The following FAM53A variants were observed in gnomAD, a reference collection of about 807,000 sequenced individuals.
The protein encoded by FAM53A is protein FAM53A.
FAM53A carries 28 observed loss-of-function variants against 26.6 expected under a neutral mutation model. That is an observed-to-expected ratio of 1.05 (90% CI 0.78 to 1.45). The LOEUF (loss-of-function observed/expected upper bound fraction) is 1.45, where lower values mean the gene tolerates loss of function less well. Ranked by LOEUF, FAM53A falls within the 40% of genes most tolerant of loss-of-function variation. The pLI is 0.00. For synonymous variants in FAM53A, 290 were observed against 253.1 expected (o/e 1.15, Z -1.38); for missense variants, 650 against 575.8 (o/e 1.13, Z -1.32).
downstream of FAM53A, among the ~76,000 whole-genome samples, chr4:1,638,896 C>T (rs780496515): frequency 6.6e-5 from 10 of 152,222 alleles, no homozygotes; most frequent in Non-Finnish European, 1.0e-4. Context: ...GGACAGATCT[C>T]CCAAACCTGG....
chr4:1,610,336 A>C, the FAM53A span, among the ~76,000 whole-genome samples: 1 of 151,602 alleles, frequency 6.6e-6, no homozygotes, highest in Admixed American at 6.6e-5. Context: ...AAGACCTGCC[A>C]CCCGCCTCAG....
chr4:1,622,948 C>T (rs1715111291), intron 1 of FAM53A, among the ~76,000 whole-genome samples: 1 of 152,246 alleles, frequency 6.6e-6, no homozygotes, highest in Admixed American at 6.5e-5. Flanking sequence ...CCTGGGCCTC[C>T]CGCGTGTCCC....
chr4:1,654,025 G>A (rs1330820860), intron 4 of FAM53A, among the ~76,000 whole-genome samples: 2 of 152,138 alleles, frequency 1.3e-5, no homozygotes, highest in African/African-American at 2.4e-5. Flanking sequence ...CCTGTGGCCC[G>A]GAGGATGGGG....
the FAM53A span, among the ~76,000 whole-genome samples, chr4:1,575,187 C>G: frequency 9.8e-5 from 15 of 152,320 alleles, no homozygotes; most frequent in African/African-American, 3.6e-4. Context: ...TGGGACATAC[C>G]CAGCTGTGCT....
chr4:1,672,862 C>T (rs539132307), intron 1 of FAM53A, among the ~76,000 whole-genome samples: 10 of 142,874 alleles, frequency 7.0e-5, no homozygotes, highest in South Asian at 2.3e-4. Context: ...CTCCGCCTCC[C>T]GGGTTCAAGC....
intron 1 of FAM53A, among the ~76,000 whole-genome samples, chr4:1,625,965 C>T (rs62286244): frequency 0.21 from 31,312 of 152,156 alleles, 3,828 homozygotes; most frequent in Non-Finnish European, 0.28. Flanking sequence ...CCCCAGGATC[C>T]GCCCATCAGA....
At chr4:1,641,860 A>C (rs943451687) in intron 4 of FAM53A, among the ~76,000 whole-genome samples, 1 of 152,124 alleles carries the variant, frequency 6.6e-6, no homozygotes, top group Non-Finnish European at 1.5e-5. Flanking sequence ...GTGTGGGCAG[A>C]GACGCACAGC....
rs1713266334 is a variant in FAM53A at position 1,655,407 on chromosome 4, C to T, written c.453G>A (p.Arg151=). The T allele has an allele frequency of 6.8e-7, 1 of 1,480,266 alleles. No individual in the cohort carries two copies. Among genetic ancestry groups the T allele is most frequent in the African/African-American group, 1.4e-5 (1 of 69,010 alleles). The allele number at this position is 1,480,266 out of a possible 1,614,324, so 91.7% of individuals were successfully genotyped here. ...SSKVWTPVSK[R]RCDSGGSATR... Reference sequence around the variant, plus strand: ...TGGCACTCCCGCCGCTGTCGCACCGCCTCTTGGAGACTGGAGTCCAGACCT... The same window carrying T: ...TGGCACTCCCGCCGCTGTCGCACCGTCTCTTGGAGACTGGAGTCCAGACCT... The change falls in exon 4 of 5, where the codon AGG becomes AGA. Residue 151 remains arginine (R), a synonymous_variant. Transcript: ENST00000308132.
Position 1,641,236 on chromosome 4 carries a change from C to A in FAM53A, c.*57G>T, listed in dbSNP as rs149453327. On this transcript the variant is annotated 3_prime_UTR_variant, in exon 5 of 5. Coordinates refer to ENST00000308132, the MANE Select transcript of FAM53A (RefSeq NM_001174070.3). ...CCGACCAGCTCACAGGAAACCTACT[C>A]TGTGCCCCAGGGCAGGTGCAGGCGG... 1.3e-6 allele frequency: 2 copies of A among 1,486,566 alleles called. No individual in the cohort carries two copies. The highest frequency in any genetic ancestry group is 2.3e-5 in the East Asian group (1 of 43,324). 92.1% of individuals were successfully genotyped at this position (1,486,566 alleles called of 1,614,324 possible).
chr4:1,616,757 G>A (rs900599661), downstream of FAM53A, among the ~76,000 whole-genome samples: 9 of 152,212 alleles, frequency 5.9e-5, no homozygotes, highest in African/African-American at 1.4e-4. Context: ...TCTGTCCCGC[G>A]GAGAAGCCTT....
At chr4:1,578,245 T>C in the FAM53A span, among the ~76,000 whole-genome samples, 1 of 152,212 alleles carries the variant, frequency 6.6e-6, no homozygotes, top group Non-Finnish European at 1.5e-5. Flanking sequence ...TTAATTCTCC[T>C]AATTAGAATT....
At position 1,628,050 on chromosome 4, in the gene FAM53A, C is replaced by T. The variant is rs553777627; in HGVS notation, c.432-9939G>A. On this transcript the variant is annotated intron_variant, in intron 1 of 1. Coordinates refer to the FAM53A transcript ENST00000489029. The stretch of plus-strand genomic sequence containing the variant: ...GGGAGGGTGGCACGGGGGGAGGGTG[C>T]ACCTCAGGGGGTGGGTGGCATGAAG... 2.1e-4 allele frequency among the ~76,000 whole-genome samples: 15 copies of T among 70,000 alleles called. No individual in the cohort carries two copies. In the South Asian group the frequency reaches 8.0e-3, roughly 37 times the overall value. 45.9% of individuals were successfully genotyped at this position (70,000 alleles called of 152,430 possible). A position where few individuals can be genotyped will look rare whatever the true frequency, so the allele number is the denominator to read the frequency against.
the FAM53A span, among the ~76,000 whole-genome samples, chr4:1,601,234 G>GGGGGA: frequency 5.0e-5 from 6 of 119,870 alleles, no homozygotes; most frequent in African/African-American, 8.1e-5. Context: ...GCAACAGGTC[G>GGGGGA]GACACCCACC....
At chr4:1,652,947 CAT>C (rs1423004972) in intron 4 of FAM53A, among the ~76,000 whole-genome samples, 20 of 150,910 alleles carry the variant, frequency 1.3e-4, no homozygotes, top group African/African-American at 4.4e-4. Context: ...CCACCACACA[CAT>C]ACCACACAGA....
At chr4:1,587,914 AT>A in the FAM53A span, among the ~76,000 whole-genome samples, 1 of 152,212 alleles carries the variant, frequency 6.6e-6, no homozygotes, top group Admixed American at 6.5e-5. Context: ...ATTTTAATAA[AT>A]GTAGGGTAAT....
intron 4 of FAM53A, among the ~76,000 whole-genome samples, chr4:1,652,111 ACACACACGC>A (rs1412155967): frequency 6.4e-5 from 7 of 109,108 alleles, no homozygotes; most frequent in African/African-American, 2.2e-4. Flanking sequence ...CACACCAGAC[ACACACACGC>A]CACACACACC....
chr4:1,638,740 C>T (rs1715962567), downstream of FAM53A, among the ~76,000 whole-genome samples: 1 of 150,972 alleles, frequency 6.6e-6, no homozygotes, highest in African/African-American at 2.5e-5. Context: ...CTCGCTCCCA[C>T]ACACCCAGGC....
At chr4:1,580,701 G>A in the FAM53A span, among the ~76,000 whole-genome samples, 2 of 141,218 alleles carry the variant, frequency 1.4e-5, no homozygotes, top group African/African-American at 5.4e-5. Context: ...TCCCGCTCAG[G>A]GACCCGCCTC....
chr4:1,652,191 GCCACACACA>G (rs1712884478), intron 4 of FAM53A, among the ~76,000 whole-genome samples: 1 of 56,512 alleles, frequency 1.8e-5, no homozygotes. Flanking sequence ...CACCATACAC[GCCACACACA>G]CCACACATGC....
Sources: allele counts gnomAD v4.1 joint callset (sites outside exome capture counted in the v4.1 genomes callset), GRCh38; gene constraint gnomAD v4.1.1; transcripts MANE v1.5; gene names NCBI Gene and HGNC (gene_info 2026-07-23, HGNC 2026-07-21).